SPINDOC: variants seen among roughly 807,000 people sequenced by gnomAD.
The protein encoded by SPINDOC is spindlin interactor and repressor of chromatin-binding protein.
In SPINDOC, 13 loss-of-function variants were observed where a neutral mutation model predicts 30.7. That is an observed-to-expected ratio of 0.42 (90% CI 0.28 to 0.67). The LOEUF is 0.67. Ranked by LOEUF, SPINDOC falls within the 30% of genes least tolerant of loss-of-function variation. The pLI is 0.22. For synonymous variants in SPINDOC, 228 were observed against 211.4 expected (o/e 1.08, Z -0.68); for missense variants, 438 against 518.0 (o/e 0.85, Z 1.50).
At chr11:63,817,707 TC>T in intron 1 of SPINDOC, 97 bp from the exon 2 acceptor site, 4 of 1,120,202 alleles carry the variant, frequency 3.6e-6, no homozygotes, top group Non-Finnish European at 5.0e-6. Flanking sequence ...AATGCTCTCC[TC>T]CCCCATCCCA....
chr11:63,815,976 G>A (rs1408747949), intron 1 of SPINDOC, among the ~76,000 whole-genome samples: 3 of 152,060 alleles, frequency 2.0e-5, no homozygotes, highest in Non-Finnish European at 4.4e-5. Flanking sequence ...CATGTTGGTG[G>A]GGTTGGTCTT....
intron 5 of SPINDOC, 148 bp from the exon 6 acceptor site, chr11:63,826,780 C>G: frequency 1.6e-6 from 1 of 614,370 alleles, no homozygotes; most frequent in East Asian, 2.7e-5. Context: ...CCCTGCCATC[C>G]TTGGGCTTCC....
intron 1 of SPINDOC, among the ~76,000 whole-genome samples, chr11:63,814,384 G>A (rs1332662709): frequency 2.0e-5 from 3 of 152,164 alleles, no homozygotes; most frequent in Non-Finnish European, 2.9e-5. Context: ...AAGTTCTGGA[G>A]AGAAGGGATG....
chr11:63,822,948 T>G, intron 5 of SPINDOC: 1 of 1,215,070 alleles, frequency 8.2e-7, no homozygotes, highest in Non-Finnish European at 1.1e-6. Flanking sequence ...TTGAGTGATC[T>G]GAGGGGGCGG....
In SPINDOC at chr11:63,813,824, A is replaced by G; in HGVS notation, c.127+11A>G. 1 of 1,525,660 alleles carries G rather than the reference A, an allele frequency of 6.6e-7. No homozygotes were observed. Among genetic ancestry groups the G allele is most frequent in the Non-Finnish European group, 8.8e-7 (1 of 1,132,340 alleles). The allele number at this position is 1,525,660 out of a possible 1,614,324, so 94.5% of individuals were successfully genotyped here. On this transcript the variant is annotated intron_variant, in intron 1 of 5. Coordinates refer to ENST00000294244, the MANE Select transcript of SPINDOC (RefSeq NM_138471.3). ...AGCCGATGCTCAGAGGTGAGGATGG[A>G]GGGGATTCCACTTCCGCGTCACGGT...
intron 5 of SPINDOC, among the ~76,000 whole-genome samples, chr11:63,821,024 C>T (rs1413285072): frequency 3.3e-5 from 5 of 152,096 alleles, no homozygotes; most frequent in African/African-American, 9.7e-5. Context: ...TGCACTCCAG[C>T]CTGGACGACA....
chr11:63,816,405 T>G (rs563424353), intron 1 of SPINDOC, among the ~76,000 whole-genome samples: 1 of 152,206 alleles, frequency 6.6e-6, no homozygotes, highest in East Asian at 1.9e-4. Context: ...CACTGCTGAC[T>G]TGGATGAGAG....
intron 5 of SPINDOC, among the ~76,000 whole-genome samples, chr11:63,819,273 C>G (rs957703848): frequency 7.2e-5 from 11 of 152,214 alleles, no homozygotes; most frequent in Non-Finnish European, 1.5e-4. Flanking sequence ...TGTAGTAGCA[C>G]AAGCCCGGCT....
chr11:63,816,783 C>T (rs2015351890), intron 1 of SPINDOC, among the ~76,000 whole-genome samples: 1 of 152,150 alleles, frequency 6.6e-6, no homozygotes, highest in Non-Finnish European at 1.5e-5. Flanking sequence ...TCTGTGTACA[C>T]AAAGAGCAGG....
rs73492260 is a variant in SPINDOC at position 63,818,709 on chromosome 11, C to T, written c.733+57C>T. 1.1e-3 allele frequency: 1,712 copies of T among 1,611,644 alleles called. 15 individuals are homozygous for T. The African/African-American group carries it at 0.02, about 19-fold the overall frequency. The stretch of plus-strand genomic sequence containing the variant: ...CTGGCCGCAGTGCTCTGAGGAAATC[C>T]GCATCAGTGAGGATGGAGCAGGGCC... On this transcript the variant is annotated intron_variant, in intron 4 of 5. Transcript: ENST00000294244. This position sits in a 1 kb window ranked among gnomAD's most constrained non-coding sequence, Gnocchi z 5.3.
intron 1 of SPINDOC, 65 bp from the exon 2 acceptor site, chr11:63,817,740 A>G (rs1167753299): frequency 7.3e-7 from 1 of 1,373,354 alleles, no homozygotes; most frequent in Non-Finnish European, 9.9e-7. Flanking sequence ...GAGTCTGGAG[A>G]CGTGCTAAGT....
chr11:63,816,319 G>T (rs940252870), intron 1 of SPINDOC, among the ~76,000 whole-genome samples: 2 of 152,194 alleles, frequency 1.3e-5, no homozygotes, highest in African/African-American at 4.8e-5. Flanking sequence ...TCATGCCCTA[G>T]ACGCAAGTGA....
intron 5 of SPINDOC, among the ~76,000 whole-genome samples, chr11:63,824,067 C>T (rs189539696): frequency 1.7e-3 from 260 of 152,280 alleles, no homozygotes; most frequent in Middle Eastern, 6.8e-3. Flanking sequence ...GCCACCACGC[C>T]TGGCTAATTT....
intron 1 of SPINDOC, 100 bp from the exon 2 acceptor site, chr11:63,817,705 C>T (rs1005241798): frequency 2.5e-5 from 28 of 1,101,324 alleles, no homozygotes; most frequent in South Asian, 6.6e-5. Context: ...GAAATGCTCT[C>T]CTCCCCCATC....
chr11:63,820,909 A>AAAAAAC (rs749681859), intron 5 of SPINDOC, among the ~76,000 whole-genome samples: 2 of 138,324 alleles, frequency 1.4e-5, no homozygotes, highest in Non-Finnish European at 1.6e-5. Context: ...AAAAAAAAAC[A>AAAAAAC]ACACACATCG....
At chr11:63,819,559 C>T (rs1267355287) in intron 5 of SPINDOC, among the ~76,000 whole-genome samples, 2 of 151,446 alleles carry the variant, frequency 1.3e-5, no homozygotes, top group Non-Finnish European at 2.9e-5. Context: ...TGCAGTGGCG[C>T]GATCTCGGTT....
At chr11:63,822,399 A>G (rs949539884) in intron 5 of SPINDOC, among the ~76,000 whole-genome samples, 1 of 149,694 alleles carries the variant, frequency 6.7e-6, no homozygotes, top group Non-Finnish European at 1.5e-5. Context: ...GAAAAAAGGC[A>G]GCGTATTATG....
rs199687576 is a variant in SPINDOC at position 63,818,172 on chromosome 11, C to G, written c.457+38C>G. The stretch of plus-strand genomic sequence containing the variant: ...GGGGCTGGCGAAGGGAGAAGTCGGA[C>G]TTGTTGGGGCACTAGAAGCTCATTG... On this transcript the variant is annotated intron_variant, in intron 2 of 5. Transcript: ENST00000294244. This position sits in a 1 kb window ranked among gnomAD's most constrained non-coding sequence, Gnocchi z 5.3. 1.2e-6 allele frequency: 2 copies of G among 1,613,260 alleles called. No individual in the cohort carries two copies. The highest frequency in any genetic ancestry group is 4.5e-5 in the East Asian group (2 of 44,860).
At chr11:63,813,857 C>G (rs746612479) in intron 1 of SPINDOC, 44 bp downstream of exon 1, 1 of 1,474,016 alleles carries the variant, frequency 6.8e-7, no homozygotes, top group Non-Finnish European at 9.1e-7. Flanking sequence ...GGTGCGGGGC[C>G]GGGGCTGGGG....
Sources: allele counts gnomAD v4.1 joint callset (sites outside exome capture counted in the v4.1 genomes callset), GRCh38; gene constraint gnomAD v4.1.1; non-coding constraint Gnocchi (gnomAD v3.1); transcripts MANE v1.5; gene names NCBI Gene and HGNC (gene_info 2026-07-23, HGNC 2026-07-21).